CNTNAP5: variants seen among roughly 807,000 people sequenced by gnomAD.
The protein encoded by CNTNAP5 is contactin associated protein family member 5.
Under a neutral mutation model 150.2 loss-of-function variants are expected in CNTNAP5, and 72 were observed. That is an observed-to-expected ratio of 0.48 (90% confidence interval 0.40 to 0.58). The LOEUF is 0.58. Ranked by LOEUF, CNTNAP5 falls within the 20% of genes least tolerant of loss-of-function variation. The pLI is 0.00. For synonymous variants in CNTNAP5, 672 were observed against 619.8 expected, an observed-to-expected ratio of 1.08 and a Z score of -1.25; for missense variants, 1,636 against 1,626.2, an observed-to-expected ratio of 1.01 and a Z score of -0.10.
intron 21 of CNTNAP5, among the ~76,000 whole-genome samples, chr2:124,891,559 T>G (rs1378621845): frequency 2.0e-5 from 3 of 152,122 alleles, no homozygotes; most frequent in African/African-American, 7.2e-5. Flanking sequence ...AAAGATATCA[T>G]GTAATCTGTC....
intron 1 of CNTNAP5, among the ~76,000 whole-genome samples, chr2:124,131,553 T>C (rs1025602992): frequency 1.3e-5 from 2 of 152,202 alleles, no homozygotes; most frequent in Non-Finnish European, 2.9e-5. Flanking sequence ...TTCAATGATG[T>C]GCTGATAGGT....
intron 14 of CNTNAP5, among the ~76,000 whole-genome samples, chr2:124,749,247 C>T (rs951868452): frequency 4.5e-4 from 68 of 152,076 alleles, no homozygotes; most frequent in African/African-American, 1.5e-3. Flanking sequence ...GCATATTAGA[C>T]ACTATGTGTA....
chr2:124,349,874 C>CTTTTTTTTTTTTTT lies in CNTNAP5; in HGVS notation c.382-67554_382-67541dup, dbSNP rs70996061. 3.8e-3 allele frequency among the ~76,000 whole-genome samples: 309 copies of CTTTTTTTTTTTTTT among 81,798 alleles called. 44 individuals are homozygous for CTTTTTTTTTTTTTT. Among genetic ancestry groups the CTTTTTTTTTTTTTT allele is most frequent in the African/African-American group, 8.1e-3 (160 of 19,810 alleles). The allele number at this position is 81,798 out of a possible 152,430, so 53.7% of individuals were successfully genotyped here. ...GTTTTGAAATGACTTCTGGCTATTTCTTTTTTTTTTTTTTTTTTTTTTTTT... is the reference window on the plus strand; with the variant it reads ...GTTTTGAAATGACTTCTGGCTATTTCTTTTTTTTTTTTTTTTTTTTTTTTTTTTTTTTTTTTTTT... On this transcript the variant is annotated intron_variant, in intron 3 of 23. Coordinates refer to ENST00000682447, the MANE Select transcript of CNTNAP5 (RefSeq NM_001367498.1).
chr2:124,803,468 A>G (rs930050055), intron 19 of CNTNAP5, among the ~76,000 whole-genome samples: 1 of 152,190 alleles, frequency 6.6e-6, no homozygotes, highest in African/African-American at 2.4e-5. Flanking sequence ...TGCAAAGTCA[A>G]ATTTAGAATA....
At chr2:124,622,335 G>A (rs1250085943) in intron 12 of CNTNAP5, among the ~76,000 whole-genome samples, 1 of 152,132 alleles carries the variant, frequency 6.6e-6, no homozygotes, top group Admixed American at 6.5e-5. Context: ...ATTCCATGGT[G>A]CATATGAACT....
chr2:124,810,079 A>G (rs1682175342), intron 19 of CNTNAP5, among the ~76,000 whole-genome samples: 1 of 152,230 alleles, frequency 6.6e-6, no homozygotes, highest in South Asian at 2.1e-4. Context: ...ATTATCAGTC[A>G]TGTGTAATGT....
chr2:124,223,061 T>C (rs1363863569), intron 2 of CNTNAP5, among the ~76,000 whole-genome samples: 1 of 152,152 alleles, frequency 6.6e-6, no homozygotes, highest in East Asian at 1.9e-4. Context: ...CATTTTAGTT[T>C]TATTATGATA....
At chr2:124,098,627 T>TA (rs982610698) in intron 1 of CNTNAP5, among the ~76,000 whole-genome samples, 3 of 151,788 alleles carry the variant, frequency 2.0e-5, no homozygotes, top group Admixed American at 6.6e-5. Flanking sequence ...GAGGCACAGG[T>TA]AAAAAAAATT....
chr2:124,220,020 A>AT lies in CNTNAP5; in HGVS notation c.83-1679dup, dbSNP rs1452687990. ...AACTCAAAATACACTTTGCCAGTTGATTTTTTAATACACTTAATGAACAAT... is the reference window on the plus strand; with the variant it reads ...AACTCAAAATACACTTTGCCAGTTGATTTTTTTAATACACTTAATGAACAAT... On this transcript the variant is annotated intron_variant, in intron 1 of 23. Coordinates refer to ENST00000682447, the MANE Select transcript of CNTNAP5 (RefSeq NM_001367498.1). Among the ~76,000 whole-genome samples, 4 of 152,186 alleles carry AT rather than the reference A, an allele frequency of 2.6e-5. No homozygotes were observed. The East Asian group carries it at 7.7e-4, about 29-fold the overall frequency.
At chr2:124,349,874 C>CTTTTTTT (rs70996061) in intron 3 of CNTNAP5, among the ~76,000 whole-genome samples, 2,044 of 81,728 alleles carry the variant, frequency 0.025, 362 homozygotes, top group Non-Finnish European at 0.029. Context: ...CTGGCTATTT[C>CTTTTTTT]TTTTTTTTTT....
chr2:124,708,957 C>A (rs2105101123), intron 13 of CNTNAP5, among the ~76,000 whole-genome samples: 1 of 152,306 alleles, frequency 6.6e-6, no homozygotes, highest in Admixed American at 6.5e-5. Context: ...CAGCACCCTT[C>A]TGTGAACACT....
intron 1 of CNTNAP5, among the ~76,000 whole-genome samples, chr2:124,155,001 G>A (rs895700916): frequency 6.6e-6 from 1 of 150,994 alleles, no homozygotes; most frequent in African/African-American, 2.4e-5. Context: ...GTCCTTGACA[G>A]ATGGCCATGC....
chr2:124,651,980 A>G (rs1678332978), intron 13 of CNTNAP5, among the ~76,000 whole-genome samples: 1 of 152,172 alleles, frequency 6.6e-6, no homozygotes, highest in Admixed American at 6.5e-5. Flanking sequence ...GCAGCGGCAG[A>G]GGGAGAAGGA....
In CNTNAP5 at chr2:124,170,297, C is replaced by T. The variant is rs182076092; in HGVS notation, c.83-51408C>T. 3.3e-5 allele frequency among the ~76,000 whole-genome samples: 5 copies of T among 151,624 alleles called. No homozygotes were observed. The South Asian group carries it at 8.3e-4, about 25-fold the overall frequency. ...TGAAAGGGCATTGGGTTGACTTCTG[C>T]TTCAGTCACTGACATAACCTTTGCT... is the stretch of plus-strand genomic sequence containing the variant. On this transcript the variant is annotated intron_variant, in intron 1 of 23. Coordinates refer to ENST00000682447, the MANE Select transcript of CNTNAP5 (RefSeq NM_001367498.1).
At chr2:124,802,164 G>T (rs1206118218) in intron 19 of CNTNAP5, among the ~76,000 whole-genome samples, 3 of 152,192 alleles carry the variant, frequency 2.0e-5, no homozygotes, top group Admixed American at 6.5e-5. Context: ...GGGTTAAGAA[G>T]TCAGCAGGTG....
chr2:124,901,697 T>C (rs994345571), intron 21 of CNTNAP5, among the ~76,000 whole-genome samples: 7 of 152,188 alleles, frequency 4.6e-5, no homozygotes, highest in African/African-American at 1.7e-4. Flanking sequence ...TTTAAGTTTG[T>C]GGCAATTTGT....
chr2:124,528,426 A>G (rs900719619), intron 10 of CNTNAP5, among the ~76,000 whole-genome samples: 3 of 152,316 alleles, frequency 2.0e-5, no homozygotes, highest in Non-Finnish European at 2.9e-5. Context: ...GGCTAGGCCA[A>G]TGTTGAGAGG....
At chr2:124,758,143 A>G (rs371688152) in intron 14 of CNTNAP5, among the ~76,000 whole-genome samples, 3 of 152,314 alleles carry the variant, frequency 2.0e-5, no homozygotes, top group African/African-American at 7.2e-5. Flanking sequence ...GTCCGGCAGC[A>G]TGAGGATAAA....
At chr2:124,655,943 G>A (rs796194999) in intron 13 of CNTNAP5, among the ~76,000 whole-genome samples, 10 of 100,918 alleles carry the variant, frequency 9.9e-5, no homozygotes, top group Non-Finnish European at 1.7e-4. Context: ...GAGAGAGAGA[G>A]AGAGAAAGAA....
Sources: allele counts gnomAD v4.1 joint callset (sites outside exome capture counted in the v4.1 genomes callset), GRCh38; gene constraint gnomAD v4.1.1; transcripts MANE v1.5; gene names NCBI Gene and HGNC (gene_info 2026-07-23, HGNC 2026-07-21).